The following RECQL variants were observed in gnomAD, a reference collection of about 807,000 sequenced individuals.
RECQL encodes the protein ATP-dependent DNA helicase Q1.
In RECQL, 73 loss-of-function variants were observed where a neutral mutation model predicts 75.8. The ratio of observed to expected loss-of-function variants is 0.96; its 90% CI spans 0.80 to 1.17. The LOEUF is 1.17. RECQL is among the 50% of genes most tolerant of loss of function. The pLI is 0.00. For synonymous variants in RECQL, 248 were observed against 254.4 expected, an observed-to-expected ratio of 0.97 and a Z score of 0.24; for missense variants, 699 against 772.1, an observed-to-expected ratio of 0.91 and a Z score of 1.12.
chr12:21,480,030 T>C (rs1177402552), intron 6 of RECQL, among the ~76,000 whole-genome samples: 1 of 152,204 alleles, frequency 6.6e-6, no homozygotes, highest in Non-Finnish European at 1.5e-5. Flanking sequence ...AATGTGTCTA[T>C]AATTCAAGCA....
chr12:21,477,827 A>T lies in RECQL; in HGVS notation c.843T>A (p.Phe281Leu). The change falls in exon 7 of 15, where the codon TTT (phenylalanine) becomes TTA (leucine). Residue 281 changes from phenylalanine (F) to leucine (L), a missense_variant. Coordinates refer to ENST00000444129, the MANE Select transcript of RECQL (RefSeq NM_002907.4). ...CCTCATAATATAGATTTGGCCTATT[A>T]AAAGAAGCTGTAAAAGTAAAACACT... ...IEKCFTFTAS[F>L]NRPNLYYEVR... is the part of the protein sequence containing the mutation. 3 of 1,613,000 alleles carry T rather than the reference A, an allele frequency of 1.9e-6. No individual in the cohort carries two copies. The highest frequency in any genetic ancestry group is 2.5e-6 in the Non-Finnish European group (3 of 1,179,478).
chr12:21,475,024 T>C (rs982959119), intron 10 of RECQL, 45 bp from the exon 11 acceptor site: 7 of 1,582,342 alleles, frequency 4.4e-6, no homozygotes, highest in Admixed American at 3.5e-5. Flanking sequence ...CATTTACAAA[T>C]TCAAAATATG....
chr12:21,490,293 A>G lies in RECQL; in HGVS notation c.300T>C (p.Ile100=). 1 of 1,612,752 alleles carries G rather than the reference A, an allele frequency of 6.2e-7. No individual in the cohort carries two copies. The highest frequency in any genetic ancestry group is 2.2e-5 in the East Asian group (1 of 44,776). ...EKFRPLQLET[I]NVTMAGKEVF... Reference sequence around the variant, plus strand: ...CCTCCTTTCCAGCCATTGTTACGTTAATAGTTTCAAGCTGAAGTGGTCTGA... The same window carrying G: ...CCTCCTTTCCAGCCATTGTTACGTTGATAGTTTCAAGCTGAAGTGGTCTGA... The change falls in exon 4 of 15, where the codon ATT becomes ATC. Residue 100 remains isoleucine (I), a synonymous_variant. Transcript: ENST00000444129.
rs528773245 is a variant in RECQL at position 21,484,671 on chromosome 12, A to G, written c.502-1097T>C. ...AGCAAGGAACAGAAGCAATGGGGTTAAGAGAAAGGATTCAGGAACCAACTT... is the reference window on the plus strand; with the variant it reads ...AGCAAGGAACAGAAGCAATGGGGTTGAGAGAAAGGATTCAGGAACCAACTT... On this transcript the variant is annotated intron_variant, in intron 5 of 14. Coordinates refer to ENST00000444129, the MANE Select transcript of RECQL (RefSeq NM_002907.4). 1.2e-4 allele frequency among the ~76,000 whole-genome samples: 18 copies of G among 152,264 alleles called. 1 individual carries two copies. The South Asian group carries it at 3.1e-3, about 26-fold the overall frequency.
chr12:21,486,594 G>GA lies in RECQL; in HGVS notation c.395-10dup, dbSNP rs10712738. 0.065 allele frequency: 80,808 copies of GA among 1,243,630 alleles called. 292 individuals carry two copies. Among genetic ancestry groups the GA allele is most frequent in the Middle Eastern group, 0.1 (432 of 4,158 alleles). 77.0% of individuals were successfully genotyped at this position (1,243,630 alleles called of 1,614,324 possible). ...AATGACGAGTGTAAAACCTAAAAGA[G>GA]AAAAAAAAAAAAATCTACCTTAAAC... On this transcript the variant is annotated splice_polypyrimidine_tract_variant and intron_variant, in intron 4 of 14. Coordinates refer to ENST00000444129, the MANE Select transcript of RECQL (RefSeq NM_002907.4).
chr12:21,492,975 C>G (rs1943441569), intron 2 of RECQL, among the ~76,000 whole-genome samples: 1 of 152,226 alleles, frequency 6.6e-6, no homozygotes. Context: ...GCTGGTACTG[C>G]TGACTTCAGG....
At position 21,481,094 on chromosome 12, in the gene RECQL, T is replaced by G. The variant is rs545655192; in HGVS notation, c.700+2282A>C. On this transcript the variant is annotated intron_variant, in intron 6 of 14. Coordinates refer to ENST00000444129, the MANE Select transcript of RECQL (RefSeq NM_002907.4). ...TAAATGATAAAGATAACTGCTAAAATTTTGGCTTCAGCAAACATGTGAGTG... is the reference window on the plus strand; with the variant it reads ...TAAATGATAAAGATAACTGCTAAAAGTTTGGCTTCAGCAAACATGTGAGTG... Among the ~76,000 whole-genome samples, 22 of 152,322 alleles carry G rather than the reference T, an allele frequency of 1.4e-4. 1 individual carries two copies. The South Asian group carries it at 4.6e-3, about 32-fold the overall frequency.
chr12:21,494,996 T>C (rs1943478661), intron 2 of RECQL, among the ~76,000 whole-genome samples: 1 of 152,168 alleles, frequency 6.6e-6, no homozygotes, highest in Non-Finnish European at 1.5e-5. Flanking sequence ...ATCAGAATGG[T>C]CTGACCGACA....
rs1220458841 is a variant in RECQL at position 21,499,541 on chromosome 12, T to A, written c.16+14A>T. On this transcript the variant is annotated intron_variant, in intron 2 of 14. Transcript: ENST00000444129. ...GAACAGAAGGAAGAAGAAAATGTAA[T>A]CATTGCTACTAACCTGAAACGGACG... 1.3e-6 allele frequency: 2 copies of A among 1,579,958 alleles called. No homozygotes were observed. Among genetic ancestry groups the A allele is most frequent in the Non-Finnish European group, 1.7e-6 (2 of 1,164,050 alleles).
intron 3 of RECQL, 146 bp downstream of exon 3, chr12:21,491,373 C>T (rs1943408130): frequency 8.6e-6 from 6 of 693,968 alleles, no homozygotes; most frequent in African/African-American, 1.8e-5. Context: ...AAGAATGATC[C>T]ACCTGCAAGT....
rs896458878 is a variant in RECQL, at chr12:21,499,625, A to C, written c.-45-10T>G. On this transcript the variant is annotated splice_polypyrimidine_tract_variant and intron_variant, in intron 1 of 14. Coordinates refer to ENST00000444129, the MANE Select transcript of RECQL (RefSeq NM_002907.4). ...TAATCCAAATTTCTTTCTAAAAATAAAAGCACAACAGTGACAACAAGTTTT... is the reference window on the plus strand; with the variant it reads ...TAATCCAAATTTCTTTCTAAAAATACAAGCACAACAGTGACAACAAGTTTT... The C allele has an allele frequency of 5.5e-6, 8 of 1,441,810 alleles. No individual in the cohort carries two copies. The African/African-American group carries it at 1.1e-4, about 21-fold the overall frequency. 89.3% of individuals were successfully genotyped at this position (1,441,810 alleles called of 1,614,324 possible). A position where few individuals can be genotyped will look rare whatever the true frequency, so the allele number is the denominator to read the frequency against.
chr12:21,490,343 G>A lies in RECQL; in HGVS notation c.250C>T (p.Gln84Ter). The A allele has an allele frequency of 6.2e-7, 1 of 1,612,126 alleles. No individual in the cohort carries two copies. Among genetic ancestry groups the A allele is most frequent in the Non-Finnish European group, 8.5e-7 (1 of 1,178,724 alleles). The change falls in exon 4 of 15, where the codon CAA becomes TAA. Residue 84 changes from glutamine to a stop codon, truncating the protein, a stop_gained. Transcript: ENST00000444129. LOFTEE classifies it high-confidence loss of function. Reference sequence around the variant, plus strand: ...AACTTTTCCAGTTTAAAGACATTTTGCAGAATATCTTTAACTTTACCAGAC... The same window carrying A: ...AACTTTTCCAGTTTAAAGACATTTTACAGAATATCTTTAACTTTACCAGAC... ...PWSGKVKDIL[Q>*]NVFKLEKFRP...
chr12:21,474,884 G>A lies in RECQL; in HGVS notation c.1312C>T (p.Gln438Ter). Residue 438 changes from glutamine to a stop codon, truncating the protein, a stop_gained, in exon 11 of 15, where the codon CAG (glutamine) becomes TAG (stop). Coordinates refer to ENST00000444129, the MANE Select transcript of RECQL (RefSeq NM_002907.4). LOFTEE classifies it high-confidence loss of function. ...TATGATACCATCTCATAAAGCTTCT[G>A]CTGTCCCACATTTTCCATCACCACC... The part of the protein sequence containing the change: ...SMVVMENVGQ[Q>*]KLYEMVSYCQ... 2 of 1,613,080 alleles carry A rather than the reference G, an allele frequency of 1.2e-6. No homozygotes were observed. Among genetic ancestry groups the A allele is most frequent in the African/African-American group, 1.3e-5 (1 of 75,000 alleles).
chr12:21,472,087 C>T (rs1942982266), intron 12 of RECQL, among the ~76,000 whole-genome samples: 1 of 151,984 alleles, frequency 6.6e-6, no homozygotes, highest in Non-Finnish European at 1.5e-5. Context: ...ATATATAACA[C>T]TCTTGTTATT....
At chr12:21,479,538 A>G (rs976307518) in intron 6 of RECQL, among the ~76,000 whole-genome samples, 1 of 152,002 alleles carries the variant, frequency 6.6e-6, no homozygotes, top group Non-Finnish European at 1.5e-5. Flanking sequence ...TTTTTAGTAG[A>G]GACGGGGTTT....
rs1350464681 is a variant in RECQL, at chr12:21,474,945, G to A, written c.1251C>T (p.Tyr417=). The A allele has an allele frequency of 1.2e-6, 2 of 1,612,792 alleles. No homozygotes were observed. Among genetic ancestry groups the A allele is most frequent in the Admixed American group, 1.7e-5 (1 of 59,900 alleles). ...TTCTGAATATATCTCCAAAGCCGTA[G>A]TACAAAATACAGTCTGCTTTCATGT... The part of the protein sequence containing the change: ...RDDMKADCIL[Y]YGFGDIFRIS... Residue 417 remains tyrosine (Y), a synonymous_variant, in exon 11 of 15, where the codon TAC becomes TAT. Transcript: ENST00000444129.
At chr12:21,472,763 A>G (rs1444828250) in intron 12 of RECQL, among the ~76,000 whole-genome samples, 1 of 152,090 alleles carries the variant, frequency 6.6e-6, no homozygotes, top group Non-Finnish European at 1.5e-5. Context: ...TCTACATTTA[A>G]AAGAATTTTA....
Position 21,490,220 on chromosome 12 carries a change from A to T in RECQL, c.373T>A (p.Leu125Ile). 6.2e-7 allele frequency: 1 copy of T among 1,611,570 alleles called. No individual in the cohort carries two copies. The highest frequency in any genetic ancestry group is 8.5e-7 in the Non-Finnish European group (1 of 1,178,202). Residue 125 changes from leucine (L) to isoleucine (I), a missense_variant, in exon 4 of 15, where the codon TTA becomes ATA. Around this residue, in one of 2 missense-constraint regions of RECQL, gnomAD observed 669 missense variants for 713.5 expected, o/e 0.94. Coordinates refer to ENST00000444129, the MANE Select transcript of RECQL (RefSeq NM_002907.4). Reference protein sequence around the residue: ...TGGGKSLCYQLPALCSDGFTL... With the variant: ...TGGGKSLCYQIPALCSDGFTL... ...ATACCATCTGAACATAATGCTGGTA[A>T]CTGGTAACATAAGCTCTTTCCACCT... is the stretch of plus-strand genomic sequence containing the variant.
chr12:21,470,224 T>G lies in RECQL; in HGVS notation c.1920A>C (p.Gly640=), dbSNP rs1209819349. The change falls in exon 15 of 15, where the codon GGA becomes GGC. Residue 640 remains glycine (G), a synonymous_variant. Coordinates refer to ENST00000444129, the MANE Select transcript of RECQL (RefSeq NM_002907.4). ...CATCATCGATTTTTCTTTTCTTAGC[T>G]CCTGTATTCTTAGAACCAGATTGCT... is the stretch of plus-strand genomic sequence containing the variant. ...MLQQSGSKNT[G]AKKRKIDDA is the part of the protein sequence containing the mutation. 1.2e-6 allele frequency: 2 copies of G among 1,610,134 alleles called. No homozygotes were observed. The highest frequency in any genetic ancestry group is 1.7e-6 in the Non-Finnish European group (2 of 1,178,372).
Sources: gnomAD v4.1 joint callset for allele counts (sites outside exome capture counted in the v4.1 genomes callset) on GRCh38, gnomAD v4.1.1 for gene constraint, gnomAD v4.1.1 regional missense constraint, MANE v1.5 for transcripts, NCBI Gene and HGNC (gene_info 2026-07-23, HGNC 2026-07-21) for gene names.